TNKS: variants seen among roughly 807,000 people sequenced by gnomAD.
TNKS encodes the protein tankyrase, also known as poly [ADP-ribose] polymerase tankyrase-1.
A neutral mutation model predicts 135.8 loss-of-function variants in TNKS; 72 were observed. That is an observed-to-expected ratio of 0.53 (90% CI 0.44 to 0.64). The LOEUF (loss-of-function observed/expected upper bound fraction) is 0.64, where lower values mean the gene tolerates loss of function less well. Among genes scored for constraint, TNKS ranks in the 30% least tolerant of loss-of-function variants. The pLI, the probability that TNKS is intolerant of heterozygous loss-of-function variation, is 0.00. For missense variants in TNKS, 1,769 were observed against 1,674.0 expected, an observed-to-expected ratio of 1.06 and a Z score of -0.99; for synonymous variants, 849 against 649.3, an observed-to-expected ratio of 1.31 and a Z score of -4.68.
chr8:9,569,564 T>A (rs1433541382), intron 1 of TNKS, among the ~76,000 whole-genome samples: 1 of 152,260 alleles, frequency 6.6e-6, no homozygotes, highest in Non-Finnish European at 1.5e-5. Flanking sequence ...AATATACCAC[T>A]ACTTACCCAT....
intron 3 of TNKS, among the ~76,000 whole-genome samples, chr8:9,667,350 T>C (rs1802043345): frequency 6.6e-6 from 1 of 152,232 alleles, no homozygotes; most frequent in South Asian, 2.1e-4. Flanking sequence ...TTGTGATTTA[T>C]AGGAACCAGG....
At chr8:9,655,487 C>T (rs1234278722) in intron 3 of TNKS, among the ~76,000 whole-genome samples, 2 of 152,148 alleles carry the variant, frequency 1.3e-5, no homozygotes, top group Non-Finnish European at 2.9e-5. Context: ...CTGGGAGGCA[C>T]CCCCCAGTAG....
Position 9,631,817 on chromosome 8 carries a change from C to T in TNKS, c.994+16140C>T, listed in dbSNP as rs145616708. ...AGTTTTTAAGAATTTCAACATGAAT[C>T]CAGCAACAGAATGCAGATATAGCTA... On this transcript the variant is annotated intron_variant, in intron 3 of 26. Transcript: ENST00000310430. Among the ~76,000 whole-genome samples, 16 of 150,898 alleles carry T rather than the reference C, an allele frequency of 1.1e-4. No homozygotes were observed. The East Asian group carries it at 2.7e-3, about 26-fold the overall frequency.
At position 9,735,068 on chromosome 8, in the gene TNKS, C is replaced by G; in HGVS notation, c.2517C>G (p.Thr839=). 6.2e-7 allele frequency: 1 copy of G among 1,613,800 alleles called. No homozygotes were observed. ...GAGACACCCAGGGCAGAAATTCAAC[C>G]CCTCTGCACCTGGCAGGTAAGCGCC... ...NCRDTQGRNS[T]PLHLAAGYNN... The change falls in exon 16 of 27, where the codon ACC becomes ACG. Residue 839 remains threonine (T), a synonymous_variant. Coordinates refer to ENST00000310430, the MANE Select transcript of TNKS (RefSeq NM_003747.3).
intron 3 of TNKS, among the ~76,000 whole-genome samples, chr8:9,633,955 G>T (rs748517116): frequency 2.0e-5 from 3 of 151,956 alleles, no homozygotes; most frequent in Non-Finnish European, 2.9e-5. Flanking sequence ...CCAGATTCCT[G>T]ACCCTCAGAA....
At chr8:9,675,306 T>C (rs531807764) in intron 3 of TNKS, among the ~76,000 whole-genome samples, 7 of 152,344 alleles carry the variant, frequency 4.6e-5, no homozygotes, top group African/African-American at 1.7e-4. Flanking sequence ...CTTAATTTGC[T>C]GGTACCTTGA....
intron 3 of TNKS, among the ~76,000 whole-genome samples, chr8:9,679,470 AT>A (rs1239671576): frequency 6.6e-6 from 1 of 152,094 alleles, no homozygotes; most frequent in Non-Finnish European, 1.5e-5. Context: ...AACAATAGTA[AT>A]TAATGTTTTT....
At chr8:9,763,372 T>A in intron 22 of TNKS, 128 bp downstream of exon 22, 1 of 462,260 alleles carries the variant, frequency 2.2e-6, no homozygotes, top group Non-Finnish European at 3.6e-6. Context: ...TCTTAGCCAC[T>A]GTGGTAGAAT....
At chr8:9,772,685 T>G (rs537611728) in intron 26 of TNKS, among the ~76,000 whole-genome samples, 1 of 152,190 alleles carries the variant, frequency 6.6e-6, no homozygotes, top group Admixed American at 6.5e-5. Flanking sequence ...ATAAGGTTGA[T>G]TCTGTACTTA....
At chr8:9,591,661 C>T (rs535223579) in intron 2 of TNKS, among the ~76,000 whole-genome samples, 42 of 152,144 alleles carry the variant, frequency 2.8e-4, no homozygotes, top group African/African-American at 9.9e-4. Context: ...AACAATGGGT[C>T]TTAGTTGGAT....
intron 2 of TNKS, among the ~76,000 whole-genome samples, chr8:9,603,269 G>T (rs1476824688): frequency 6.6e-6 from 1 of 152,004 alleles, no homozygotes; most frequent in Non-Finnish European, 1.5e-5. Flanking sequence ...ACCAGGCTGG[G>T]CTTGAGGACT....
chr8:9,766,104 A>T (rs1807429008), intron 24 of TNKS, 135 bp from the exon 25 acceptor site: 1 of 759,152 alleles, frequency 1.3e-6, no homozygotes, highest in South Asian at 2.1e-5. Context: ...TGTATAATAG[A>T]CCTTCTTAGA....
intron 3 of TNKS, among the ~76,000 whole-genome samples, chr8:9,643,663 C>T (rs548892529): frequency 2.1e-4 from 32 of 152,192 alleles, no homozygotes; most frequent in Middle Eastern, 3.4e-3. Context: ...CCCTTGAGCA[C>T]TGTTGGTGGG....
At chr8:9,605,927 A>G (rs748798549) in intron 2 of TNKS, among the ~76,000 whole-genome samples, 1 of 152,006 alleles carries the variant, frequency 6.6e-6, no homozygotes, top group Non-Finnish European at 1.5e-5. Flanking sequence ...CTTTTGAAGA[A>G]CAGAAGTTCT....
chr8:9,586,080 A>G (rs561850988), intron 2 of TNKS, among the ~76,000 whole-genome samples: 1 of 152,298 alleles, frequency 6.6e-6, no homozygotes, highest in East Asian at 1.9e-4. Flanking sequence ...AATAATTAGA[A>G]AGTACATGCT....
At chr8:9,771,260 AG>A (rs1807821691) in intron 26 of TNKS, among the ~76,000 whole-genome samples, 1 of 132,560 alleles carries the variant, frequency 7.5e-6, no homozygotes, top group African/African-American at 2.8e-5. Context: ...GGAGGAAGGA[AG>A]TGAGGGAGGA....
chr8:9,623,985 G>C (rs1221647730), intron 3 of TNKS, among the ~76,000 whole-genome samples: 1 of 152,058 alleles, frequency 6.6e-6, no homozygotes, highest in Non-Finnish European at 1.5e-5. Flanking sequence ...CTGGGTGACA[G>C]AGCAAGAGAC....
intron 3 of TNKS, among the ~76,000 whole-genome samples, chr8:9,641,864 G>A (rs1221070712): frequency 6.8e-6 from 1 of 146,172 alleles, no homozygotes; most frequent in African/African-American, 2.5e-5. Context: ...ATATGAAACT[G>A]TAGATCTCAC....
rs565833604 is a variant in TNKS at position 9,578,928 on chromosome 8, C to A, written c.674-1231C>A. Among the ~76,000 whole-genome samples the A allele has an allele frequency of 2.6e-5, 4 of 152,262 alleles. No individual in the cohort carries two copies. In the South Asian group the frequency reaches 8.3e-4, roughly 32 times the overall value. On this transcript the variant is annotated intron_variant, in intron 1 of 26. Coordinates refer to ENST00000310430, the MANE Select transcript of TNKS (RefSeq NM_003747.3). ...TTTAGTTTGTAATTTTACCACTATA[C>A]TAAAATTAGTTTAATATTACCAATG...
Sources: gnomAD v4.1 joint callset for allele counts (sites outside exome capture counted in the v4.1 genomes callset) on GRCh38, gnomAD v4.1.1 for gene constraint, MANE v1.5 for transcripts, NCBI Gene and HGNC (gene_info 2026-07-23, HGNC 2026-07-21) for gene names.